Variants in RBFOX1 observed in about 807,000 individuals in gnomAD.
RBFOX1 encodes the protein RNA binding fox-1 homolog 1.
In RBFOX1, 8 loss-of-function variants were observed where a neutral mutation model predicts 57.7. The observed-to-expected ratio is 0.14, with a 90% confidence interval of 0.08 to 0.25. RBFOX1 has a LOEUF of 0.25. Ranked by LOEUF, RBFOX1 falls within the 10% of genes least tolerant of loss-of-function variation. The pLI is 1.00. For synonymous variants in RBFOX1, 326 were observed against 222.4 expected (o/e 1.47, Z -4.15); for missense variants, 611 against 548.5 (o/e 1.11, Z -1.14).
chr16:5,662,038 G>T (rs111450325), intron 3 of RBFOX1, among the ~76,000 whole-genome samples: 16,581 of 151,954 alleles, frequency 0.11, 1,305 homozygotes, highest in East Asian at 0.29. Context: ...CACTCACCTC[G>T]GCCTCCCAAA....
At chr16:6,232,703 G>T (rs772670564) in intron 1 of RBFOX1, among the ~76,000 whole-genome samples, 2 of 152,156 alleles carry the variant, frequency 1.3e-5, no homozygotes, top group African/African-American at 2.4e-5. Context: ...GCTCTGCCTT[G>T]TGCCTGCCTG....
chr16:7,128,242 TG>T (rs2069140457), intron 4 of RBFOX1, among the ~76,000 whole-genome samples: 1 of 152,248 alleles, frequency 6.6e-6, no homozygotes, highest in African/African-American at 2.4e-5. Flanking sequence ...AAGTCCTTTT[TG>T]TATATGAACT....
At chr16:6,331,817 A>C (rs2152808057) in intron 2 of RBFOX1, among the ~76,000 whole-genome samples, 1 of 151,860 alleles carries the variant, frequency 6.6e-6, no homozygotes, top group African/African-American at 2.4e-5. Context: ...GGAAATGTAC[A>C]AATAGTTTCT....
chr16:6,395,522 T>A (rs1463031688), intron 2 of RBFOX1, among the ~76,000 whole-genome samples: 4 of 151,364 alleles, frequency 2.6e-5, no homozygotes, highest in Non-Finnish European at 5.9e-5. Flanking sequence ...AAGTTCTTAC[T>A]TTTTTTTTAC....
intron 4 of RBFOX1, among the ~76,000 whole-genome samples, chr16:7,185,986 T>C (rs9923635): frequency 0.29 from 43,869 of 151,988 alleles, 7,776 homozygotes; most frequent in African/African-American, 0.49. Context: ...CCTATGTTTA[T>C]TGGCGCACTT....
Position 5,856,195 on chromosome 16 carries a change from A to ATATATATATACATATATATG in RBFOX1, c.319-11098_319-11097insCATATATATGTATATATATA. On this transcript the variant is annotated intron_variant, in intron 3 of 19. Transcript: ENST00000641259. ...TCTCTCTCTCTCTCTCTCTATATAT[A>ATATATATATACATATATATG]TATATATATATACATATATATGTAT... 8.8e-4 allele frequency among the ~76,000 whole-genome samples: 53 copies of ATATATATATACATATATATG among 60,222 alleles called. 1 individual carries two copies. Among genetic ancestry groups the ATATATATATACATATATATG allele is most frequent in the African/African-American group, 2.9e-3 (52 of 17,908 alleles). 39.5% of individuals were successfully genotyped at this position (60,222 alleles called of 152,430 possible). A position where few individuals can be genotyped will look rare whatever the true frequency, so the allele number is the denominator to read the frequency against.
intron 3 of RBFOX1, among the ~76,000 whole-genome samples, chr16:5,779,339 G>C (rs759417508): frequency 1.3e-5 from 2 of 152,094 alleles, no homozygotes; most frequent in Non-Finnish European, 2.9e-5. Flanking sequence ...CTTGATCTCT[G>C]CTCCCTCCTG....
intron 3 of RBFOX1, among the ~76,000 whole-genome samples, chr16:6,855,143 C>T (rs1333559541): frequency 6.6e-6 from 1 of 151,954 alleles, no homozygotes; most frequent in Non-Finnish European, 1.5e-5. Flanking sequence ...CTGTAAATTC[C>T]GTGAGTGTGT....
chr16:6,836,991 A>C (rs1383759304), intron 3 of RBFOX1, among the ~76,000 whole-genome samples: 6 of 152,276 alleles, frequency 3.9e-5, no homozygotes, highest in South Asian at 4.2e-4. Context: ...TGAATGACTC[A>C]CATAGCTTCT....
At chr16:6,877,105 G>C (rs1385974215) in intron 3 of RBFOX1, among the ~76,000 whole-genome samples, 1 of 152,178 alleles carries the variant, frequency 6.6e-6, no homozygotes, top group African/African-American at 2.4e-5. Flanking sequence ...AGCATAGGCA[G>C]TCCCGCTGAA....
intron 4 of RBFOX1, among the ~76,000 whole-genome samples, chr16:7,474,521 T>C (rs1336650704): frequency 6.6e-6 from 1 of 152,200 alleles, no homozygotes; most frequent in Non-Finnish European, 1.5e-5. Context: ...GCCAACTATT[T>C]AGGTTGGTGC....
intron 1 of RBFOX1, among the ~76,000 whole-genome samples, chr16:6,089,863 A>C (rs1309792851): frequency 6.6e-6 from 1 of 152,252 alleles, no homozygotes; most frequent in Admixed American, 6.5e-5. Flanking sequence ...AAGAACACAC[A>C]AACTCAAATA....
intron 10 of RBFOX1, among the ~76,000 whole-genome samples, chr16:7,627,318 T>C (rs921801889): frequency 2.6e-5 from 4 of 152,056 alleles, no homozygotes; most frequent in Non-Finnish European, 4.4e-5. Context: ...TTGAGAATGA[T>C]TGTGAGGATT....
At position 5,312,506 on chromosome 16, in the gene RBFOX1, G is replaced by A. The variant is rs146164116; in HGVS notation, c.219+72401G>A. ...AAATTTTGTGGTTTTTAGTAGAGAC[G>A]GGGTTTCACCATCTTGGCCAGGCTG... On this transcript the variant is annotated intron_variant, in intron 1 of 2. Coordinates refer to the RBFOX1 transcript ENST00000585867. Among the ~76,000 whole-genome samples the A allele has an allele frequency of 7.8e-3, 1,189 of 152,122 alleles. 16 individuals carry two copies. Among genetic ancestry groups the A allele is most frequent in the African/African-American group, 0.027 (1,128 of 41,492 alleles).
upstream of RBFOX1, chr16:5,239,742 C>A (rs1173756098): frequency 2.4e-5 from 12 of 493,386 alleles, no homozygotes; most frequent in African/African-American, 1.0e-4. Context: ...AGGAGCGGCC[C>A]GCGGAGGAGC....
intron 1 of RBFOX1, among the ~76,000 whole-genome samples, chr16:6,101,317 G>C (rs1049310351): frequency 5.9e-5 from 9 of 152,126 alleles, no homozygotes; most frequent in African/African-American, 1.9e-4. Flanking sequence ...CATGCAGACA[G>C]TTGTAAAAAC....
At chr16:7,508,882 G>T (rs1182699644) in intron 4 of RBFOX1, among the ~76,000 whole-genome samples, 1 of 152,166 alleles carries the variant, frequency 6.6e-6, no homozygotes, top group Non-Finnish European at 1.5e-5. Flanking sequence ...ATAGCAAGGA[G>T]CCTTGGTGAT....
chr16:6,409,939 A>T (rs527679957), intron 2 of RBFOX1, among the ~76,000 whole-genome samples: 1 of 152,188 alleles, frequency 6.6e-6, no homozygotes, highest in East Asian at 1.9e-4. Flanking sequence ...ACAAGGCAGG[A>T]GCACCCGAGA....
chr16:7,673,854 A>G (rs963376491), intron 13 of RBFOX1, among the ~76,000 whole-genome samples: 1 of 152,166 alleles, frequency 6.6e-6, no homozygotes, highest in African/African-American at 2.4e-5. Context: ...GGTGGGAAAA[A>G]TTTAATTGTC....
Sources: gnomAD v4.1 joint callset for allele counts (sites outside exome capture counted in the v4.1 genomes callset) on GRCh38, gnomAD v4.1.1 for gene constraint, MANE v1.5 for transcripts, NCBI Gene and HGNC (gene_info 2026-07-23, HGNC 2026-07-21) for gene names.